Variants in NREP observed in about 807,000 individuals in gnomAD.
NREP encodes neuronal regeneration-related protein.
A neutral mutation model predicts 8.6 loss-of-function variants in NREP; 5 were observed. The ratio of observed to expected loss-of-function variants is 0.58; its 90% confidence interval spans 0.30 to 1.22. NREP has a LOEUF of 1.22. NREP is among the 50% of genes most tolerant of loss of function. The pLI, the probability that NREP is intolerant of heterozygous loss-of-function variation, is 0.07. For missense variants in NREP, 86 were observed against 82.5 expected (o/e 1.04, Z -0.17); for synonymous variants, 27 against 28.0 (o/e 0.96, Z 0.11).
At chr5:111,908,763 A>G (rs896535464) in intron 2 of NREP, among the ~76,000 whole-genome samples, 6 of 152,062 alleles carry the variant, frequency 3.9e-5, no homozygotes, top group African/African-American at 1.4e-4. Context: ...TTTAGGTAGA[A>G]TGATTCATTT....
intron 2 of NREP, among the ~76,000 whole-genome samples, chr5:111,948,219 G>C (rs1457233442): frequency 6.6e-6 from 1 of 152,074 alleles, no homozygotes; most frequent in East Asian, 1.9e-4. Context: ...TTCCCTGGTG[G>C]AAAGATCAGG....
intron 2 of NREP, among the ~76,000 whole-genome samples, chr5:111,960,868 G>A (rs979192021): frequency 1.3e-5 from 2 of 152,128 alleles, no homozygotes; most frequent in Non-Finnish European, 2.9e-5. Context: ...TGTAAAAGAT[G>A]AAAAACTGAT....
At chr5:111,744,724 T>A (rs1749894657) in intron 2 of NREP, among the ~76,000 whole-genome samples, 1 of 152,092 alleles carries the variant, frequency 6.6e-6, no homozygotes, top group Non-Finnish European at 1.5e-5. Flanking sequence ...CAGATGTGTT[T>A]CAGGGCTAGT....
chr5:111,732,418 T>A (rs747483582), intron 3 of NREP: 1 of 152,138 alleles, frequency 6.6e-6, no homozygotes, highest in Non-Finnish European at 1.5e-5. Context: ...CATACAGCAT[T>A]TTTTGCACAT....
intron 2 of NREP, among the ~76,000 whole-genome samples, chr5:111,927,323 T>C (rs1210775892): frequency 6.6e-6 from 1 of 152,092 alleles, no homozygotes; most frequent in African/African-American, 2.4e-5. Context: ...AGACTCAAAA[T>C]GGGAAAATTT....
chr5:111,956,722 G>A (rs1426850358), intron 2 of NREP, among the ~76,000 whole-genome samples: 1 of 152,148 alleles, frequency 6.6e-6, no homozygotes, highest in Admixed American at 6.6e-5. Context: ...CCAGCACTTT[G>A]GGAGGTGGAG....
chr5:111,896,168 G>A (rs1364762612), intron 2 of NREP, among the ~76,000 whole-genome samples: 1 of 152,120 alleles, frequency 6.6e-6, no homozygotes, highest in African/African-American at 2.4e-5. Context: ...ATTGGTAGGA[G>A]GCTATTGAAA....
At chr5:111,896,148 A>G (rs1754506608) in intron 2 of NREP, among the ~76,000 whole-genome samples, 1 of 152,162 alleles carries the variant, frequency 6.6e-6, no homozygotes, top group African/African-American at 2.4e-5. Context: ...GCTTGAGAGG[A>G]AGCACAGAGA....
chr5:111,975,764 C>T (rs1260307003), intron 1 of NREP, among the ~76,000 whole-genome samples: 1 of 152,190 alleles, frequency 6.6e-6, no homozygotes, highest in African/African-American at 2.4e-5. Flanking sequence ...ATGCTTAAAA[C>T]CTGACATCAA....
chr5:111,836,643 A>T (rs1428849534), intron 2 of NREP, among the ~76,000 whole-genome samples: 1 of 152,038 alleles, frequency 6.6e-6, no homozygotes, highest in East Asian at 1.9e-4. Flanking sequence ...AATCTCCCAG[A>T]GCCCCAGAGA....
At chr5:111,828,305 A>T (rs762307671) in intron 2 of NREP, among the ~76,000 whole-genome samples, 2 of 152,170 alleles carry the variant, frequency 1.3e-5, no homozygotes, top group Non-Finnish European at 2.9e-5. Flanking sequence ...TTGGGATTAC[A>T]GGCGTGAGAC....
intron 2 of NREP, among the ~76,000 whole-genome samples, chr5:111,792,947 C>A (rs537804778): frequency 4.6e-5 from 7 of 152,094 alleles, no homozygotes; most frequent in African/African-American, 1.7e-4. Flanking sequence ...TTTGTTATTT[C>A]TAGTTTTTCT....
chr5:111,753,066 A>C (rs183396877), intron 2 of NREP, among the ~76,000 whole-genome samples: 114 of 152,110 alleles, frequency 7.5e-4, no homozygotes, highest in Admixed American at 2.2e-3. Flanking sequence ...TGCAAAAAAA[A>C]ACACAAAACT....
intron 2 of NREP, among the ~76,000 whole-genome samples, chr5:111,896,254 A>T (rs528932904): frequency 5.9e-5 from 9 of 152,276 alleles, no homozygotes; most frequent in African/African-American, 2.2e-4. Flanking sequence ...TAGATTCTAG[A>T]GGTGGGAGGC....
At chr5:111,792,817 A>G (rs1751781899) in intron 2 of NREP, among the ~76,000 whole-genome samples, 1 of 152,250 alleles carries the variant, frequency 6.6e-6, no homozygotes, top group Middle Eastern at 3.2e-3. Flanking sequence ...TTCAACCATG[A>G]CTTAGCTTTA....
chr5:111,971,385 CCAGT>C (rs1756813559), intron 2 of NREP, among the ~76,000 whole-genome samples: 1 of 151,990 alleles, frequency 6.6e-6, no homozygotes, highest in African/African-American at 2.4e-5. Context: ...CCTTGAGTAG[CCAGT>C]CAATCTGTAG....
At chr5:111,805,365 A>C (rs1561673650) in intron 2 of NREP, among the ~76,000 whole-genome samples, 1 of 152,238 alleles carries the variant, frequency 6.6e-6, no homozygotes, top group Non-Finnish European at 1.5e-5. Context: ...AATATGTACA[A>C]GGTTATTCAT....
intron 2 of NREP, among the ~76,000 whole-genome samples, chr5:111,891,841 T>C (rs895145359): frequency 1.6e-4 from 25 of 152,152 alleles, no homozygotes; most frequent in Non-Finnish European, 7.3e-5. Flanking sequence ...GAACCATTCC[T>C]GGGAAATACA....
intron 2 of NREP, among the ~76,000 whole-genome samples, chr5:111,915,526 C>G (rs1240523015): frequency 2.0e-5 from 3 of 151,998 alleles, no homozygotes; most frequent in Non-Finnish European, 4.4e-5. Flanking sequence ...GCACTTAGGT[C>G]CTAGTGCCTC....
Sources: gnomAD v4.1 joint callset for allele counts (sites outside exome capture counted in the v4.1 genomes callset) on GRCh38, gnomAD v4.1.1 for gene constraint, MANE v1.5 for transcripts, NCBI Gene and HGNC (gene_info 2026-07-23, HGNC 2026-07-21) for gene names.